Variants in KCNAB1 observed in about 807,000 individuals in gnomAD.
KCNAB1 encodes the protein potassium voltage-gated channel subfamily A regulatory beta subunit 1, also known as voltage-gated potassium channel subunit beta-1.
KCNAB1 carries 35 observed loss-of-function variants against 64.6 expected under a neutral mutation model. That is an observed-to-expected ratio of 0.54 (90% CI 0.41 to 0.72). KCNAB1 has a LOEUF of 0.72. Among genes scored for constraint, KCNAB1 ranks in the 30% least tolerant of loss-of-function variants. The pLI is 0.00. For missense variants in KCNAB1, 401 were observed against 512.9 expected, an observed-to-expected ratio of 0.78 and a Z score of 2.11; for synonymous variants, 177 against 183.8, an observed-to-expected ratio of 0.96 and a Z score of 0.30.
intron 2 of KCNAB1, among the ~76,000 whole-genome samples, chr3:156,426,779 TC>T (rs1715853455): frequency 6.6e-6 from 1 of 152,254 alleles, no homozygotes; most frequent in Non-Finnish European, 1.5e-5. Context: ...CATTTAAGTT[TC>T]TTCCATGTCT....
At chr3:156,392,245 C>T (rs180919715) in intron 1 of KCNAB1, among the ~76,000 whole-genome samples, 22 of 152,360 alleles carry the variant, frequency 1.4e-4, no homozygotes, top group East Asian at 7.7e-4. Flanking sequence ...CCCTTATTCA[C>T]TGCTGTATCC....
chr3:156,233,323 G>A (rs936553811), intron 1 of KCNAB1, among the ~76,000 whole-genome samples: 2 of 152,168 alleles, frequency 1.3e-5, no homozygotes, highest in Non-Finnish European at 2.9e-5. Flanking sequence ...TGTAAATAGG[G>A]CTGTCAAGGA....
chr3:156,452,885 T>A lies in KCNAB1; in HGVS notation c.320-14T>A. ...ATGATGATGAATAATATGCAAATAT[T>A]TATTATTTTCTAGGAACATGGGTGA... On this transcript the variant is annotated splice_polypyrimidine_tract_variant and intron_variant, in intron 2 of 13. Transcript: ENST00000490337. The surrounding 1 kb of genome is among the most constrained non-coding windows in gnomAD (Gnocchi z 4.6). The A allele has an allele frequency of 6.4e-7, 1 of 1,570,512 alleles. No individual in the cohort carries two copies. Among genetic ancestry groups the A allele is most frequent in the Non-Finnish European group, 8.7e-7 (1 of 1,148,922 alleles).
At chr3:156,204,259 G>T (rs1193392117) in intron 1 of KCNAB1, among the ~76,000 whole-genome samples, 1 of 152,182 alleles carries the variant, frequency 6.6e-6, no homozygotes, top group Non-Finnish European at 1.5e-5. Flanking sequence ...GGTGGGGCGG[G>T]ACTGAGATTT....
chr3:156,492,115 T>C (rs1715675765), intron 8 of KCNAB1, among the ~76,000 whole-genome samples: 2 of 152,138 alleles, frequency 1.3e-5, no homozygotes, highest in Admixed American at 6.6e-5. Context: ...TAAAAATGTA[T>C]ATTAATAGAT....
chr3:156,171,987 T>C (rs529910731), intron 1 of KCNAB1, among the ~76,000 whole-genome samples: 1 of 152,336 alleles, frequency 6.6e-6, no homozygotes, highest in South Asian at 2.1e-4. Context: ...TGAGAAATCT[T>C]ATCACACACA....
intron 1 of KCNAB1, among the ~76,000 whole-genome samples, chr3:156,130,634 C>G (rs1713939896): frequency 6.6e-6 from 1 of 152,250 alleles, no homozygotes; most frequent in Non-Finnish European, 1.5e-5. Flanking sequence ...AGATGCACAT[C>G]TCAACTCAAC....
intron 2 of KCNAB1, among the ~76,000 whole-genome samples, chr3:156,427,734 T>C (rs995576653): frequency 4.6e-5 from 7 of 152,036 alleles, no homozygotes; most frequent in Non-Finnish European, 8.8e-5. Flanking sequence ...GCATCAGGGA[T>C]TGTCCTAAAA....
At chr3:156,328,221 T>G in intron 1 of KCNAB1, among the ~76,000 whole-genome samples, 1 of 152,092 alleles carries the variant, frequency 6.6e-6, no homozygotes, top group East Asian at 1.9e-4. Context: ...TGAGGCTGGA[T>G]AGTGGAAGTA....
intron 1 of KCNAB1, among the ~76,000 whole-genome samples, chr3:156,349,861 A>G (rs1724740154): frequency 6.6e-6 from 1 of 152,154 alleles, no homozygotes; most frequent in South Asian, 2.1e-4. Context: ...CACTGTGCTC[A>G]GCTGTTTTTC....
chr3:156,313,557 T>C (rs1722070350), intron 1 of KCNAB1, among the ~76,000 whole-genome samples: 1 of 152,092 alleles, frequency 6.6e-6, no homozygotes, highest in Non-Finnish European at 1.5e-5. Flanking sequence ...GCTGCTAGCT[T>C]TGAGATGGAA....
At chr3:156,193,487 C>G (rs1713696055) in intron 1 of KCNAB1, among the ~76,000 whole-genome samples, 1 of 152,134 alleles carries the variant, frequency 6.6e-6, no homozygotes, top group African/African-American at 2.4e-5. Context: ...TTTCACACTG[C>G]TATAAAGAAC....
chr3:156,359,166 G>T (rs1409814007), intron 1 of KCNAB1, among the ~76,000 whole-genome samples: 4 of 152,002 alleles, frequency 2.6e-5, no homozygotes, highest in Non-Finnish European at 4.4e-5. Context: ...TCATTCTGTT[G>T]GTACTTATTA....
intron 1 of KCNAB1, among the ~76,000 whole-genome samples, chr3:156,300,731 C>T (rs1560183195): frequency 6.6e-6 from 1 of 152,026 alleles, no homozygotes; most frequent in Non-Finnish European, 1.5e-5. Flanking sequence ...TATGCTGACA[C>T]ATAGCAATTC....
chr3:156,287,246 A>G (rs1332947021), intron 1 of KCNAB1, among the ~76,000 whole-genome samples: 3 of 152,022 alleles, frequency 2.0e-5, no homozygotes, highest in Non-Finnish European at 4.4e-5. Flanking sequence ...ATTAATGCCA[A>G]AGAATTCCAC....
chr3:156,519,400 C>G lies in KCNAB1; in HGVS notation c.960+3036C>G, dbSNP rs138173747. 8.8e-3 allele frequency among the ~76,000 whole-genome samples: 1,346 copies of G among 152,316 alleles called. 9 individuals are homozygous for G. The highest frequency in any genetic ancestry group is 0.013 in the Non-Finnish European group (906 of 68,028). On this transcript the variant is annotated intron_variant, in intron 11 of 13. Transcript: ENST00000490337. ...ATTTTCCATGCAAATGCACTGTACT[C>G]TCCTTTGCCTCCCAGAAATGTCCTT...
chr3:156,377,367 C>T (rs1304756026), intron 1 of KCNAB1, among the ~76,000 whole-genome samples: 2 of 152,074 alleles, frequency 1.3e-5, no homozygotes, highest in Non-Finnish European at 2.9e-5. Context: ...CCGAGCCATG[C>T]GAACCAAGAG....
At chr3:156,441,835 A>T (rs1462889233) in intron 2 of KCNAB1, among the ~76,000 whole-genome samples, 1 of 152,164 alleles carries the variant, frequency 6.6e-6, no homozygotes, top group Non-Finnish European at 1.5e-5. Context: ...TTTGACCAAG[A>T]CATTTAGGAC....
chr3:156,488,275 T>C (rs987302919), intron 8 of KCNAB1, among the ~76,000 whole-genome samples: 1 of 148,802 alleles, frequency 6.7e-6, no homozygotes, highest in Non-Finnish European at 1.5e-5. Flanking sequence ...GTATAGAATA[T>C]TAGATGTTGA....
Sources: gnomAD v4.1 joint callset for allele counts (sites outside exome capture counted in the v4.1 genomes callset) on GRCh38, gnomAD v4.1.1 for gene constraint, Gnocchi (gnomAD v3.1) non-coding constraint, MANE v1.5 for transcripts, NCBI Gene and HGNC (gene_info 2026-07-23, HGNC 2026-07-21) for gene names.